The following GRM7 variants were observed in gnomAD, a reference collection of about 807,000 sequenced individuals.
GRM7 encodes the protein metabotropic glutamate receptor 7.
GRM7 carries 35 observed loss-of-function variants against 84.5 expected under a neutral mutation model. That is an observed-to-expected ratio of 0.41 (90% CI 0.32 to 0.55). The LOEUF is 0.55. Ranked by LOEUF, GRM7 falls within the 20% of genes least tolerant of loss-of-function variation. GRM7 has a pLI of 0.19. For synonymous variants in GRM7, 487 were observed against 455.1 expected (o/e 1.07, Z -0.89); for missense variants, 1,003 against 1,194.6 (o/e 0.84, Z 2.36).
intron 7 of GRM7, among the ~76,000 whole-genome samples, chr3:7,485,631 C>A (rs184145175): frequency 8.3e-4 from 126 of 152,284 alleles, no homozygotes; most frequent in Non-Finnish European, 2.6e-4. Context: ...TCAAATCCTC[C>A]CAAAATATCA....
At chr3:6,950,318 C>T (rs1023355579) in intron 1 of GRM7, among the ~76,000 whole-genome samples, 30 of 152,270 alleles carry the variant, frequency 2.0e-4, no homozygotes, top group Admixed American at 3.9e-4. Context: ...TACTGGAGGT[C>T]CACTCCAGAC....
intron 1 of GRM7, among the ~76,000 whole-genome samples, chr3:7,054,033 A>G (rs1408170825): frequency 1.3e-5 from 2 of 150,724 alleles, no homozygotes; most frequent in Non-Finnish European, 3.0e-5. Flanking sequence ...CAGTTTTTTC[A>G]TATGTATTCT....
intron 9 of GRM7, among the ~76,000 whole-genome samples, chr3:7,713,124 G>GTTTTTTTTTTTTTTTT (rs5846535): frequency 1.0e-5 from 1 of 97,124 alleles, no homozygotes; most frequent in Non-Finnish European, 2.2e-5. Flanking sequence ...ATTTTGTTTT[G>GTTTTTTTTTTTTTTTT]TTTTTTTTTT....
At chr3:7,385,167 C>A (rs527264221) in intron 4 of GRM7, among the ~76,000 whole-genome samples, 1 of 150,930 alleles carries the variant, frequency 6.6e-6, no homozygotes, top group African/African-American at 2.4e-5. Flanking sequence ...GAGATTAAGT[C>A]ATTATATTTG....
At chr3:7,524,352 C>T (rs1481168887) in intron 7 of GRM7, among the ~76,000 whole-genome samples, 34 of 142,856 alleles carry the variant, frequency 2.4e-4, no homozygotes, top group South Asian at 1.2e-3. Context: ...AGAAAATTTT[C>T]GCAACCTACT....
chr3:7,443,330 C>T (rs190161201), intron 5 of GRM7, among the ~76,000 whole-genome samples: 7 of 152,170 alleles, frequency 4.6e-5, no homozygotes, highest in African/African-American at 1.7e-4. Flanking sequence ...GATATAATTG[C>T]TCTCAAAAAA....
intron 4 of GRM7, among the ~76,000 whole-genome samples, chr3:7,309,172 C>G (rs913971911): frequency 6.6e-6 from 1 of 152,158 alleles, no homozygotes; most frequent in African/African-American, 2.4e-5. Flanking sequence ...AAAGAACAAT[C>G]AAGTTTTGTT....
chr3:7,334,997 C>G (rs1046238341), intron 4 of GRM7, among the ~76,000 whole-genome samples: 1 of 140,772 alleles, frequency 7.1e-6, no homozygotes, highest in Non-Finnish European at 1.5e-5. Flanking sequence ...CAGCACTAGA[C>G]AGGTCATCAA....
chr3:7,137,230 T>C (rs2125059073), intron 1 of GRM7, among the ~76,000 whole-genome samples: 1 of 152,270 alleles, frequency 6.6e-6, no homozygotes, highest in Non-Finnish European at 1.5e-5. Context: ...TCCCCTAGCA[T>C]TGTTTCTCCT....
At chr3:7,613,454 A>G (rs1048124767) in intron 8 of GRM7, among the ~76,000 whole-genome samples, 1 of 152,178 alleles carries the variant, frequency 6.6e-6, no homozygotes, top group African/African-American at 2.4e-5. Flanking sequence ...CACTCTAAAT[A>G]TGTGGCATTA....
chr3:7,059,938 T>C (rs940847440), intron 1 of GRM7, among the ~76,000 whole-genome samples: 1 of 151,856 alleles, frequency 6.6e-6, no homozygotes, highest in Admixed American at 6.6e-5. Flanking sequence ...CCAGTTTATG[T>C]ATTTTGTTAT....
At chr3:7,456,143 T>C (rs1697999689) in intron 6 of GRM7, among the ~76,000 whole-genome samples, 1 of 152,104 alleles carries the variant, frequency 6.6e-6, no homozygotes, top group Non-Finnish European at 1.5e-5. Context: ...TTTCATTTGC[T>C]GAGGTCAGTT....
chr3:7,083,828 T>A (rs533499192), intron 1 of GRM7, among the ~76,000 whole-genome samples: 2 of 152,240 alleles, frequency 1.3e-5, no homozygotes, highest in South Asian at 4.1e-4. Context: ...TGATGAGGTG[T>A]CACTTGAGCA....
At chr3:7,207,240 G>A (rs190179868) in intron 2 of GRM7, among the ~76,000 whole-genome samples, 18 of 152,230 alleles carry the variant, frequency 1.2e-4, no homozygotes, top group African/African-American at 4.3e-4. Context: ...AGTTGGCAAT[G>A]CCCGAGGAGT....
At chr3:7,735,403 C>CTTT in intron 9 of GRM7, among the ~76,000 whole-genome samples, 1 of 152,160 alleles carries the variant, frequency 6.6e-6, no homozygotes, top group African/African-American at 2.4e-5. Flanking sequence ...GGAGAGGGTG[C>CTTT]AGACAGGATT....
At chr3:7,657,492 A>G (rs933807575) in intron 8 of GRM7, among the ~76,000 whole-genome samples, 19 of 152,364 alleles carry the variant, frequency 1.2e-4, no homozygotes, top group Middle Eastern at 3.4e-3. Flanking sequence ...AAGAGGAGAA[A>G]GAGTTTCATT....
intron 5 of GRM7, 73 bp downstream of exon 5, chr3:7,415,236 A>G (rs1696113330): frequency 7.9e-7 from 1 of 1,265,484 alleles, no homozygotes; most frequent in African/African-American, 1.5e-5. Flanking sequence ...TAGCTGACAG[A>G]AGGAAGCTTG....
At chr3:7,316,745 T>C (rs1192010231) in intron 4 of GRM7, among the ~76,000 whole-genome samples, 1 of 149,768 alleles carries the variant, frequency 6.7e-6, no homozygotes, top group East Asian at 1.9e-4. Context: ...TATCCAAGTA[T>C]CTCAGTATCT....
At chr3:7,686,546 A>G in intron 9 of GRM7, 1 of 625,112 alleles carries the variant, frequency 1.6e-6, no homozygotes, top group South Asian at 2.0e-5. Flanking sequence ...ACCTGAAAAT[A>G]TATCTATAGG....
Sources: gnomAD v4.1 joint callset for allele counts (sites outside exome capture counted in the v4.1 genomes callset) on GRCh38, gnomAD v4.1.1 for gene constraint, MANE v1.5 for transcripts, NCBI Gene and HGNC (gene_info 2026-07-23, HGNC 2026-07-21) for gene names.